The following UACA variants were observed in gnomAD, a reference collection of about 807,000 sequenced individuals.
UACA encodes uveal autoantigen with coiled-coil domains and ankyrin repeats.
In UACA, 112 loss-of-function variants were observed where a neutral mutation model predicts 160.5. The ratio of observed to expected loss-of-function variants is 0.70; its 90% CI spans 0.60 to 0.82. The LOEUF is 0.82. Ranked by LOEUF, UACA falls within the 40% of genes least tolerant of loss-of-function variation. The pLI, the probability that UACA is intolerant of heterozygous loss-of-function variation, is 0.00. For synonymous variants in UACA, 557 were observed against 568.4 expected (o/e 0.98, Z 0.29); for missense variants, 1,574 against 1,614.6 (o/e 0.97, Z 0.43).
intron 5 of UACA, among the ~76,000 whole-genome samples, chr15:70,689,837 ATC>A: frequency 6.6e-6 from 1 of 152,236 alleles, no homozygotes; most frequent in African/African-American, 2.4e-5. Context: ...GTATAATAAA[ATC>A]TCTAAAAATC....
In UACA at chr15:70,654,897, CG is replaced by C. The variant is rs1896440289; in HGVS notation, c.*2158del. 6.6e-6 allele frequency: 1 copy of C among 152,202 alleles called. No individual in the cohort carries two copies. Among genetic ancestry groups the C allele is most frequent in the Admixed American group, 6.5e-5 (1 of 15,278 alleles). 9.4% of individuals were successfully genotyped at this position (152,202 alleles called of 1,614,324 possible). A position where few individuals can be genotyped will look rare whatever the true frequency, so the allele number is the denominator to read the frequency against. On this transcript the variant is annotated 3_prime_UTR_variant, in exon 19 of 19. Transcript: ENST00000322954. Reference sequence around the variant, plus strand: ...AAGCTTTGGTCTTCAGTGTTGTAAACGCAATTTCTGCCTTCGATATCAAAAG... The same window carrying C: ...AAGCTTTGGTCTTCAGTGTTGTAAACCAATTTCTGCCTTCGATATCAAAAG...
chr15:70,699,412 G>A (rs954357874), intron 2 of UACA, 115 bp downstream of exon 2: 43 of 1,228,380 alleles, frequency 3.5e-5, no homozygotes, highest in Non-Finnish European at 4.4e-5. Context: ...TATAGTGCAG[G>A]TTTTGGCAGA....
intron 15 of UACA, among the ~76,000 whole-genome samples, chr15:70,670,149 C>T (rs547023640): frequency 3.9e-5 from 6 of 152,222 alleles, no homozygotes; most frequent in African/African-American, 4.8e-5. Flanking sequence ...ATAAGATCTC[C>T]GGAGCTGGGT....
chr15:70,728,294 C>T (rs546395777), intron 1 of UACA, among the ~76,000 whole-genome samples: 2 of 152,192 alleles, frequency 1.3e-5, no homozygotes, highest in East Asian at 1.9e-4. Flanking sequence ...CCAGGCGCAG[C>T]GGCTCACGCC....
rs749822960 is a variant in UACA at position 70,668,016 on chromosome 15, A to T, written c.2668T>A (p.Phe890Ile). 7 of 1,604,070 alleles carry T rather than the reference A, an allele frequency of 4.4e-6. No homozygotes were observed. Among genetic ancestry groups the T allele is most frequent in the Admixed American group, 3.4e-5 (2 of 58,364 alleles). The change falls in exon 16 of 19, where the codon TTT (phenylalanine) becomes ATT (isoleucine). Residue 890 changes from phenylalanine (F) to isoleucine (I), a missense_variant. By Grantham distance (21) the Phe-to-Ile change is conservative. Coordinates refer to ENST00000322954, the MANE Select transcript of UACA (RefSeq NM_018003.4). ...ACAAATTCCTGATTTATATCTTCAA[A>T]TTTTTTCTTCACATCTAATAATTCT... ...NRELLDVKKKFEDINQEFVKI... is the reference protein window; with the variant it reads ...NRELLDVKKKIEDINQEFVKI...
intron 13 of UACA, among the ~76,000 whole-genome samples, chr15:70,674,744 T>C (rs1030368642): frequency 6.6e-6 from 1 of 152,128 alleles, no homozygotes; most frequent in Non-Finnish European, 1.5e-5. Context: ...ATTACAGGCA[T>C]GTGCCACCAC....
At chr15:70,770,686 T>C in the UACA span, among the ~76,000 whole-genome samples, 1 of 152,154 alleles carries the variant, frequency 6.6e-6, no homozygotes. Context: ...TTAAGAACAG[T>C]TCCTTTGAAC....
intron 1 of UACA, among the ~76,000 whole-genome samples, chr15:70,757,289 A>G (rs1231518803): frequency 6.6e-6 from 1 of 152,210 alleles, no homozygotes; most frequent in Non-Finnish European, 1.5e-5. Flanking sequence ...CTAAAGGGTG[A>G]TTATTTTGGC....
At chr15:70,742,633 T>C (rs1899572501) in intron 1 of UACA, among the ~76,000 whole-genome samples, 1 of 152,090 alleles carries the variant, frequency 6.6e-6, no homozygotes, top group Admixed American at 6.6e-5. Context: ...AAATGAAAAA[T>C]AAAAAACATT....
the UACA span, among the ~76,000 whole-genome samples, chr15:70,774,512 T>G: frequency 7.1e-6 from 1 of 141,260 alleles, no homozygotes; most frequent in Non-Finnish European, 1.5e-5. Context: ...TGCCACTGCA[T>G]TCCAGCCTGG....
At position 70,692,248 on chromosome 15, in the gene UACA, A is replaced by G. The variant is rs528672096; in HGVS notation, c.302-885T>C. On this transcript the variant is annotated intron_variant, in intron 3 of 18. Coordinates refer to ENST00000322954, the MANE Select transcript of UACA (RefSeq NM_018003.4). ...AGCCTCATAGCTCAGTACAGCCTCG[A>G]ATGCCTGGGCTCAAGCGATCCTCAC... 2.0e-5 allele frequency among the ~76,000 whole-genome samples: 3 copies of G among 152,246 alleles called. No homozygotes were observed. In the East Asian group the frequency reaches 5.8e-4, roughly 29 times the overall value.
At chr15:70,676,267 A>G (rs1036632331) in intron 13 of UACA, 3 of 379,336 alleles carry the variant, frequency 7.9e-6, no homozygotes, top group African/African-American at 6.1e-5. Context: ...CTAAATGTCA[A>G]TTACATGCTA....
Position 70,667,009 on chromosome 15 carries a change from G to C in UACA, c.3675C>G (p.Asp1225Glu). The change falls in exon 16 of 19, where the codon GAC becomes GAG. Residue 1225 changes from aspartate (D) to glutamate (E), a missense_variant. Asp to Glu is a conservative substitution (Grantham distance 45). Coordinates refer to ENST00000322954, the MANE Select transcript of UACA (RefSeq NM_018003.4). The part of the protein sequence containing the change: ...LKKLETREVV[D>E]LSKYKATKSD... ...TTTTTGTTGCTTTATATTTAGACAA[G>C]TCAACTACCTCTCTAGTCTCTAATT... 1.2e-6 allele frequency: 2 copies of C among 1,613,260 alleles called. No individual in the cohort carries two copies. Among genetic ancestry groups the C allele is most frequent in the Non-Finnish European group, 1.7e-6 (2 of 1,179,864 alleles).
intron 5 of UACA, among the ~76,000 whole-genome samples, chr15:70,688,517 A>G (rs1897810494): frequency 6.6e-6 from 1 of 152,156 alleles, no homozygotes; most frequent in Non-Finnish European, 1.5e-5. Flanking sequence ...GAATTAAACC[A>G]AACATAAGAA....
intron 1 of UACA, among the ~76,000 whole-genome samples, chr15:70,703,863 C>T (rs527317169): frequency 6.6e-6 from 1 of 152,226 alleles, no homozygotes; most frequent in African/African-American, 2.4e-5. Flanking sequence ...TCCCCTGTAC[C>T]TATAAGGTTC....
intron 4 of UACA, among the ~76,000 whole-genome samples, chr15:70,690,828 G>A (rs1382664039): frequency 6.6e-6 from 1 of 151,800 alleles, no homozygotes; most frequent in Non-Finnish European, 1.5e-5. Context: ...CAGAAAAGCA[G>A]GTGAGTTCTG....
intron 18 of UACA, among the ~76,000 whole-genome samples, chr15:70,657,873 G>C (rs1275613364): frequency 6.6e-6 from 1 of 151,520 alleles, no homozygotes; most frequent in Admixed American, 6.6e-5. Flanking sequence ...CTTGAGGCCA[G>C]GAGTTTAAGA....
intron 1 of UACA, chr15:70,754,199 T>C: frequency 4.4e-6 from 2 of 455,614 alleles, no homozygotes; most frequent in South Asian, 3.1e-5. Context: ...CTCTCAAGGA[T>C]ACCTGGCCAG....
intron 1 of UACA, among the ~76,000 whole-genome samples, chr15:70,737,493 G>A (rs1011495680): frequency 4.6e-5 from 7 of 152,118 alleles, no homozygotes; most frequent in African/African-American, 1.7e-4. Context: ...GATCACCTGA[G>A]GTCAGGAGTT....
Sources: gnomAD v4.1 joint callset for allele counts (sites outside exome capture counted in the v4.1 genomes callset) on GRCh38, gnomAD v4.1.1 for gene constraint, MANE v1.5 for transcripts, NCBI Gene and HGNC (gene_info 2026-07-23, HGNC 2026-07-21) for gene names.